Variants in KCND3 observed in about 807,000 individuals in gnomAD.
The protein encoded by KCND3 is A-type voltage-gated potassium channel KCND3.
In KCND3, 9 loss-of-function variants were observed where a neutral mutation model predicts 51.1. That is an observed-to-expected ratio of 0.18 (90% confidence interval 0.11 to 0.31). The LOEUF (loss-of-function observed/expected upper bound fraction) is 0.31, where lower values mean the gene tolerates loss of function less well. Ranked by LOEUF, KCND3 falls within the 10% of genes least tolerant of loss-of-function variation. KCND3 has a pLI of 1.00. For synonymous variants in KCND3, 349 were observed against 368.0 expected (o/e 0.95, Z 0.59); for missense variants, 526 against 903.8 (o/e 0.58, Z 5.36).
intron 2 of KCND3, among the ~76,000 whole-genome samples, chr1:111,920,733 C>A (rs1671438658): frequency 6.6e-6 from 1 of 152,192 alleles, no homozygotes; most frequent in Non-Finnish European, 1.5e-5. Context: ...CACTGCCAGT[C>A]AAGCCACCGG....
At position 111,780,194 on chromosome 1, in the gene KCND3, GA is replaced by G; in HGVS notation, c.1461+30del. Reference sequence around the variant, plus strand: ...TTAGAAAAGGGTCAGGGTCAGCGATGAAAAGGAGGTGGCAAAGGGCTGGGAC... The same window carrying G: ...TTAGAAAAGGGTCAGGGTCAGCGATGAAAGGAGGTGGCAAAGGGCTGGGAC... On this transcript the variant is annotated intron_variant, in intron 5 of 7. Transcript: ENST00000302127. This position sits in a 1 kb window ranked among gnomAD's most constrained non-coding sequence, Gnocchi z 4.2. The G allele has an allele frequency of 6.4e-7, 1 of 1,554,862 alleles. No homozygotes were observed. Among genetic ancestry groups the G allele is most frequent in the East Asian group, 2.4e-5 (1 of 42,538 alleles).
intron 1 of KCND3, among the ~76,000 whole-genome samples, 82 bp downstream of exon 1, chr1:111,989,423 C>T (rs923566986): frequency 1.3e-5 from 2 of 152,014 alleles, no homozygotes; most frequent in Admixed American, 6.5e-5. Flanking sequence ...GAGGGTGCCG[C>T]GTGGGCAGCC....
intron 2 of KCND3, among the ~76,000 whole-genome samples, chr1:111,975,701 T>C (rs562981739): frequency 1.0e-3 from 154 of 152,336 alleles, no homozygotes; most frequent in African/African-American, 3.7e-3. Flanking sequence ...GGACCCTACA[T>C]GAGCTGCTTC....
intron 2 of KCND3, among the ~76,000 whole-genome samples, chr1:111,915,625 C>A (rs975508617): frequency 2.0e-5 from 3 of 151,560 alleles, no homozygotes; most frequent in Non-Finnish European, 4.4e-5. Context: ...TGGTGGTGGG[C>A]GCCTGTAGTC....
intron 2 of KCND3, among the ~76,000 whole-genome samples, chr1:111,947,240 T>C (rs991856899): frequency 3.3e-5 from 5 of 152,244 alleles, no homozygotes; most frequent in Non-Finnish European, 7.3e-5. Context: ...AATTCCTGTG[T>C]TCTGGATAAC....
Position 111,832,069 on chromosome 1 carries a change from G to A in KCND3, c.1107-44963C>T, listed in dbSNP as rs966775279. Among the ~76,000 whole-genome samples the A allele has an allele frequency of 5.3e-5, 8 of 152,072 alleles. No individual in the cohort carries two copies. The East Asian group carries it at 1.5e-3, about 29-fold the overall frequency. On this transcript the variant is annotated intron_variant, in intron 2 of 7. Coordinates refer to ENST00000302127, the MANE Select transcript of KCND3 (RefSeq NM_001378969.1). ...TCTAGCTGGAACAGCCTCTCTACTT[G>A]CCTCCCATCCCATTACCCACACCAC...
At chr1:111,779,458 G>A (rs1239195930) in intron 5 of KCND3, among the ~76,000 whole-genome samples, 1 of 152,194 alleles carries the variant, frequency 6.6e-6, no homozygotes, top group Non-Finnish European at 1.5e-5. Flanking sequence ...TTCTGGAAAG[G>A]AGCAGGAAGG....
chr1:111,955,145 T>C (rs1289436042), intron 2 of KCND3, among the ~76,000 whole-genome samples: 1 of 152,242 alleles, frequency 6.6e-6, no homozygotes, highest in African/African-American at 2.4e-5. Flanking sequence ...CCCGGAACAG[T>C]GGCCTGTAAT....
At chr1:111,922,273 T>A (rs547749157) in intron 2 of KCND3, among the ~76,000 whole-genome samples, 2 of 152,192 alleles carry the variant, frequency 1.3e-5, no homozygotes, top group African/African-American at 4.8e-5. Flanking sequence ...AAGGTAAAAC[T>A]GAGATTTTAG....
chr1:111,818,300 G>C (rs561034284), intron 2 of KCND3, among the ~76,000 whole-genome samples: 2 of 152,232 alleles, frequency 1.3e-5, no homozygotes, highest in African/African-American at 4.8e-5. Flanking sequence ...TTCCACCCCA[G>C]CAGGAGTTCT....
intron 2 of KCND3, among the ~76,000 whole-genome samples, chr1:111,940,773 C>T (rs921374464): frequency 6.6e-6 from 1 of 152,212 alleles, no homozygotes; most frequent in Non-Finnish European, 1.5e-5. Context: ...GTCCACTGCA[C>T]CCCTCACCGA....
At chr1:111,864,217 G>A (rs781386218) in intron 2 of KCND3, among the ~76,000 whole-genome samples, 1 of 152,120 alleles carries the variant, frequency 6.6e-6, no homozygotes, top group African/African-American at 2.4e-5. Context: ...AGTCCCACAT[G>A]GCACTCACTG....
At position 111,982,827 on chromosome 1, in the gene KCND3, C is replaced by T; in HGVS notation, c.-72-29G>A. ...GGAGACAGGAGGGGAGAGAGAGAAG[C>T]GGTGAGTCCATATCGACTGGCAGGT... On this transcript the variant is annotated intron_variant, in intron 1 of 7. Coordinates refer to ENST00000302127, the MANE Select transcript of KCND3 (RefSeq NM_001378969.1). The surrounding 1 kb of genome is among the most constrained non-coding windows in gnomAD (Gnocchi z 8.5). 2.0e-6 allele frequency: 3 copies of T among 1,480,744 alleles called. No individual in the cohort carries two copies. The South Asian group carries it at 3.6e-5, about 18-fold the overall frequency. 91.7% of individuals were successfully genotyped at this position (1,480,744 alleles called of 1,614,324 possible).
At chr1:111,842,162 T>C (rs565339460) in intron 2 of KCND3, among the ~76,000 whole-genome samples, 1 of 152,264 alleles carries the variant, frequency 6.6e-6, no homozygotes, top group South Asian at 2.1e-4. Context: ...AGGACTGCTC[T>C]TGATAAACAC....
At chr1:111,881,575 C>T (rs1669322344) in intron 2 of KCND3, among the ~76,000 whole-genome samples, 1 of 152,234 alleles carries the variant, frequency 6.6e-6, no homozygotes, top group Non-Finnish European at 1.5e-5. Context: ...GCTATGTCAC[C>T]TCCAATGTCT....
chr1:111,858,912 G>T (rs148916889), intron 2 of KCND3, among the ~76,000 whole-genome samples: 159 of 152,272 alleles, frequency 1.0e-3, no homozygotes, highest in African/African-American at 3.6e-3. Context: ...CCTCCCCTCT[G>T]CCTGGCATAA....
intron 2 of KCND3, among the ~76,000 whole-genome samples, chr1:111,953,540 G>A (rs760398823): frequency 2.0e-5 from 3 of 152,316 alleles, no homozygotes; most frequent in East Asian, 1.9e-4. Context: ...TTTGGACTAC[G>A]CCTGGGAAAC....
chr1:111,826,197 T>TA (rs1246418598), intron 2 of KCND3, among the ~76,000 whole-genome samples: 1 of 152,238 alleles, frequency 6.6e-6, no homozygotes, highest in African/African-American at 2.4e-5. Context: ...ACGAGCTCTT[T>TA]ATATATTAAA....
At chr1:111,986,403 A>G (rs1049947922) in intron 1 of KCND3, among the ~76,000 whole-genome samples, 5 of 152,188 alleles carry the variant, frequency 3.3e-5, no homozygotes, top group Non-Finnish European at 5.9e-5. Flanking sequence ...CTCACTGCCA[A>G]ATGGCTTTCC....
Sources: allele counts gnomAD v4.1 joint callset (sites outside exome capture counted in the v4.1 genomes callset), GRCh38; gene constraint gnomAD v4.1.1; non-coding constraint Gnocchi (gnomAD v3.1); transcripts MANE v1.5; gene names NCBI Gene and HGNC (gene_info 2026-07-23, HGNC 2026-07-21).